The following MEI4 variants were observed in gnomAD, a reference collection of about 807,000 sequenced individuals.
The protein encoded by MEI4 is meiosis-specific protein MEI4.
Under a neutral mutation model 31.4 loss-of-function variants are expected in MEI4, and 27 were observed. The ratio of observed to expected loss-of-function variants is 0.86; its 90% confidence interval spans 0.63 to 1.19. The LOEUF is 1.19. Among genes scored for constraint, MEI4 ranks in the 50% most tolerant of loss-of-function variants. MEI4 has a pLI of 0.00. For synonymous variants in MEI4, 122 were observed against 145.4 expected, an observed-to-expected ratio of 0.84 and a Z score of 1.16; for missense variants, 329 against 398.9, an observed-to-expected ratio of 0.82 and a Z score of 1.49.
chr6:77,739,666 T>C (rs1042066902), intron 2 of MEI4, among the ~76,000 whole-genome samples: 1 of 152,064 alleles, frequency 6.6e-6, no homozygotes, highest in Non-Finnish European at 1.5e-5. Flanking sequence ...CAAACCACTA[T>C]GGCACGTGTA....
At chr6:77,769,755 G>A (rs955434374) in intron 3 of MEI4, among the ~76,000 whole-genome samples, 3 of 152,104 alleles carry the variant, frequency 2.0e-5, no homozygotes, top group Admixed American at 6.6e-5. Context: ...GGCCAGAAGG[G>A]AACCCATTGC....
At chr6:77,703,604 G>A (rs1766268775) in intron 2 of MEI4, among the ~76,000 whole-genome samples, 1 of 151,956 alleles carries the variant, frequency 6.6e-6, no homozygotes, top group Admixed American at 6.6e-5. Context: ...CTATTTATCT[G>A]TTTTTGATAA....
chr6:77,914,366 A>G (rs1038308237), intron 4 of MEI4, among the ~76,000 whole-genome samples: 3 of 152,060 alleles, frequency 2.0e-5, no homozygotes, highest in African/African-American at 7.2e-5. Context: ...TCATTCAGGC[A>G]CATATTATTT....
intron 4 of MEI4, among the ~76,000 whole-genome samples, chr6:77,829,994 A>AT (rs1038304851): frequency 1.4e-4 from 22 of 152,040 alleles, no homozygotes; most frequent in African/African-American, 4.6e-4. Context: ...GAGCTGTTAG[A>AT]TTTTTTTTAA....
chr6:77,776,546 T>C (rs2127688593), intron 3 of MEI4, among the ~76,000 whole-genome samples: 1 of 152,194 alleles, frequency 6.6e-6, no homozygotes, highest in East Asian at 1.9e-4. Flanking sequence ...TTTTATTTCT[T>C]TCTCTGGCTA....
chr6:77,909,692 T>C (rs188074993), intron 4 of MEI4, among the ~76,000 whole-genome samples: 7,328 of 152,154 alleles, frequency 0.048, 443 homozygotes, highest in African/African-American at 0.14. Context: ...GAGGGAATCC[T>C]CCCTAACTCA....
At chr6:77,767,858 T>C (rs1005733837) in intron 3 of MEI4, among the ~76,000 whole-genome samples, 12 of 152,314 alleles carry the variant, frequency 7.9e-5, no homozygotes, top group African/African-American at 2.9e-4. Context: ...TTTCTGAATT[T>C]TCAAAGCAGT....
intron 4 of MEI4, among the ~76,000 whole-genome samples, chr6:77,870,541 A>G (rs558016713): frequency 1.3e-5 from 2 of 152,244 alleles, no homozygotes; most frequent in African/African-American, 2.4e-5. Flanking sequence ...TTAAATGGAT[A>G]TATCTTTTAT....
At chr6:77,770,611 T>G (rs1470609304) in intron 3 of MEI4, among the ~76,000 whole-genome samples, 2 of 152,172 alleles carry the variant, frequency 1.3e-5, no homozygotes, top group Middle Eastern at 6.8e-3. Flanking sequence ...ACTATAGGGC[T>G]ACAGTAAATG....
chr6:77,895,171 T>C (rs147657398), intron 4 of MEI4, among the ~76,000 whole-genome samples: 2 of 152,308 alleles, frequency 1.3e-5, no homozygotes, highest in African/African-American at 4.8e-5. Context: ...TAAGTATAAA[T>C]GTAAGTGATT....
intron 3 of MEI4, among the ~76,000 whole-genome samples, chr6:77,822,820 C>T (rs560529191): frequency 2.6e-5 from 4 of 151,970 alleles, no homozygotes; most frequent in South Asian, 2.1e-4. Flanking sequence ...AATGGGGTTT[C>T]GCCTTGTTAG....
intron 2 of MEI4, among the ~76,000 whole-genome samples, chr6:77,736,450 C>G (rs900011132): frequency 6.6e-6 from 1 of 152,104 alleles, no homozygotes; most frequent in Admixed American, 6.5e-5. Flanking sequence ...CTCCCTGACC[C>G]CTTGTGCTTC....
intron 4 of MEI4, among the ~76,000 whole-genome samples, chr6:77,839,632 A>G (rs1770309875): frequency 2.0e-5 from 3 of 152,200 alleles, no homozygotes; most frequent in Admixed American, 6.5e-5. Flanking sequence ...GAGTAAAGAC[A>G]TGGAAAACTG....
At chr6:77,701,968 C>G (rs1467549293) in intron 2 of MEI4, among the ~76,000 whole-genome samples, 1 of 152,050 alleles carries the variant, frequency 6.6e-6, no homozygotes, top group African/African-American at 2.4e-5. Flanking sequence ...TCAGGTTGGT[C>G]CCCTCACTCT....
chr6:77,767,461 G>A (rs548313954), intron 3 of MEI4, among the ~76,000 whole-genome samples: 3 of 152,156 alleles, frequency 2.0e-5, no homozygotes, highest in South Asian at 2.1e-4. Flanking sequence ...TTGGGAGGCC[G>A]AGGCAGGCAG....
chr6:77,910,925 G>GTTTTTTTTTTTTTT (rs58959367), intron 4 of MEI4, among the ~76,000 whole-genome samples: 7 of 120,580 alleles, frequency 5.8e-5, no homozygotes, highest in Non-Finnish European at 1.2e-4. Flanking sequence ...CCAGCTTCTG[G>GTTTTTTTTTTTTTT]TTTTTTTTTT....
At chr6:77,743,700 C>A (rs1227532489) in intron 2 of MEI4, among the ~76,000 whole-genome samples, 1 of 152,200 alleles carries the variant, frequency 6.6e-6, no homozygotes, top group Non-Finnish European at 1.5e-5. Context: ...CCCGAGCAGC[C>A]TAACTGGGAG....
At chr6:77,800,119 A>G (rs9343665) in intron 3 of MEI4, among the ~76,000 whole-genome samples, 20,943 of 152,048 alleles carry the variant, frequency 0.14, 1,529 homozygotes, top group Middle Eastern at 0.21. Flanking sequence ...GATTCTTCCT[A>G]CCCATGAGCA....
chr6:77,718,621 T>C (rs1333483666), intron 2 of MEI4, among the ~76,000 whole-genome samples: 55 of 139,136 alleles, frequency 4.0e-4, no homozygotes, highest in South Asian at 9.0e-4. Context: ...GGATGGATGG[T>C]GAGGCCTCCC....
Sources: gnomAD v4.1 joint callset for allele counts (sites outside exome capture counted in the v4.1 genomes callset) on GRCh38, gnomAD v4.1.1 for gene constraint, MANE v1.5 for transcripts, NCBI Gene and HGNC (gene_info 2026-07-23, HGNC 2026-07-21) for gene names.